The following CELF2 variants were observed in gnomAD, a reference collection of about 807,000 sequenced individuals.
CELF2 encodes CUGBP Elav-like family member 2.
Under a neutral mutation model 62.6 loss-of-function variants are expected in CELF2, and 8 were observed. The observed-to-expected ratio is 0.13, with a 90% CI of 0.07 to 0.23. The LOEUF is 0.23. CELF2 is among the 10% of genes least tolerant of loss of function. The pLI, the probability that CELF2 is intolerant of heterozygous loss-of-function variation, is 1.00. For synonymous variants in CELF2, 258 were observed against 250.0 expected (o/e 1.03, Z -0.30); for missense variants, 333 against 671.0 (o/e 0.50, Z 5.56).
intron 12 of CELF2, among the ~76,000 whole-genome samples, chr10:11,327,398 T>C (rs893909510): frequency 1.3e-5 from 2 of 152,246 alleles, no homozygotes; most frequent in African/African-American, 4.8e-5. Flanking sequence ...CTTAACCATG[T>C]GCTCATACTG....
chr10:11,009,002 T>G (rs985532007), intron 1 of CELF2, among the ~76,000 whole-genome samples: 1 of 12,102 alleles, frequency 8.3e-5, no homozygotes, highest in African/African-American at 5.4e-4. Flanking sequence ...CCTGGGGAAT[T>G]TGCGGGGGGG....
At chr10:10,877,852 T>C (rs150294885) in intron 1 of CELF2, among the ~76,000 whole-genome samples, 35 of 152,366 alleles carry the variant, frequency 2.3e-4, no homozygotes, top group African/African-American at 8.4e-4. Context: ...GTGCCTGTTA[T>C]ATTCAGCAAG....
chr10:10,779,295 C>T, the CELF2 span, among the ~76,000 whole-genome samples: 1 of 152,206 alleles, frequency 6.6e-6, no homozygotes, highest in Non-Finnish European at 1.5e-5. Flanking sequence ...CAGGCTTGTT[C>T]TGCACTGTCA....
intron 1 of CELF2, among the ~76,000 whole-genome samples, chr10:11,083,446 T>C (rs2074570210): frequency 6.6e-6 from 1 of 152,112 alleles, no homozygotes; most frequent in African/African-American, 2.4e-5. Context: ...AGCGTGATGA[T>C]GGTGGTATCT....
chr10:11,108,541 G>A (rs1446440262), intron 1 of CELF2, among the ~76,000 whole-genome samples: 1 of 152,116 alleles, frequency 6.6e-6, no homozygotes, highest in South Asian at 2.1e-4. Context: ...GTGCTGCAGT[G>A]AATGCACATA....
At chr10:10,563,148 C>G in the CELF2 span, among the ~76,000 whole-genome samples, 2 of 152,218 alleles carry the variant, frequency 1.3e-5, no homozygotes, top group South Asian at 4.1e-4. Flanking sequence ...TTGAAGCCAT[C>G]TGGGGAGAAA....
At chr10:11,141,725 T>C (rs1443387120) in intron 1 of CELF2, among the ~76,000 whole-genome samples, 1 of 152,224 alleles carries the variant, frequency 6.6e-6, no homozygotes, top group Non-Finnish European at 1.5e-5. Flanking sequence ...TGTGCCTTGA[T>C]AGATAAGGCT....
intron 2 of CELF2, among the ~76,000 whole-genome samples, chr10:10,964,143 G>C (rs897575830): frequency 2.0e-5 from 3 of 152,102 alleles, no homozygotes; most frequent in African/African-American, 7.2e-5. Context: ...TGCAATTATT[G>C]GACAAGTTTG....
At chr10:10,979,664 T>A (rs1462173415) in intron 2 of CELF2, among the ~76,000 whole-genome samples, 10 of 128,942 alleles carry the variant, frequency 7.8e-5, no homozygotes, top group Admixed American at 1.5e-4. Flanking sequence ...GAGCCAGACC[T>A]TGTCTCTCAA....
chr10:10,729,392 A>G, the CELF2 span, among the ~76,000 whole-genome samples: 1 of 152,168 alleles, frequency 6.6e-6, no homozygotes, highest in African/African-American at 2.4e-5. Context: ...GAATTGGTAA[A>G]GACATGTTTT....
At chr10:10,788,390 A>C in the CELF2 span, among the ~76,000 whole-genome samples, 1 of 152,008 alleles carries the variant, frequency 6.6e-6, no homozygotes, top group Non-Finnish European at 1.5e-5. Flanking sequence ...GGTATGAAGA[A>C]AATAAAATTA....
chr10:10,602,697 A>G, the CELF2 span, among the ~76,000 whole-genome samples: 2 of 152,094 alleles, frequency 1.3e-5, no homozygotes, highest in South Asian at 4.1e-4. Context: ...ATTATTATCT[A>G]TTTTTTATCT....
chr10:10,815,530 A>G (rs138523634), intron 1 of CELF2, among the ~76,000 whole-genome samples: 2 of 152,344 alleles, frequency 1.3e-5, no homozygotes, highest in African/African-American at 4.8e-5. Flanking sequence ...TACAGAAGAC[A>G]GGCAGCAAAT....
At chr10:10,767,792 G>C in the CELF2 span, among the ~76,000 whole-genome samples, 1 of 151,994 alleles carries the variant, frequency 6.6e-6, no homozygotes, top group African/African-American at 2.4e-5. Flanking sequence ...GTCAGGAGAT[G>C]GAGACCATCC....
At chr10:10,586,234 T>C in the CELF2 span, among the ~76,000 whole-genome samples, 1 of 152,156 alleles carries the variant, frequency 6.6e-6, no homozygotes, top group African/African-American at 2.4e-5. Context: ...ACAGGGAAAA[T>C]AGGTTTCTAT....
At chr10:10,761,955 T>G in the CELF2 span, among the ~76,000 whole-genome samples, 1 of 131,640 alleles carries the variant, frequency 7.6e-6, no homozygotes, top group Non-Finnish European at 1.6e-5. Flanking sequence ...TGTGTGTGTG[T>G]AGACAGATAT....
At chr10:11,132,257 T>C (rs1239212490) in intron 1 of CELF2, among the ~76,000 whole-genome samples, 3 of 152,238 alleles carry the variant, frequency 2.0e-5, no homozygotes, top group African/African-American at 7.2e-5. Context: ...TATTTACTTT[T>C]TGCTAAAGAT....
chr10:11,268,816 A>G lies in CELF2; in HGVS notation c.619-1850A>G, dbSNP rs566026085. ...TATTATTTCCAGGACTCTGGCATAC[A>G]TCTTTAACCAAGATGTATTACCTAA... On this transcript the variant is annotated intron_variant, in intron 6 of 12. Transcript: ENST00000633077. The surrounding 1 kb of genome is among the most constrained non-coding windows in gnomAD (Gnocchi z 4.7). Among the ~76,000 whole-genome samples, 19 of 152,336 alleles carry G rather than the reference A, an allele frequency of 1.2e-4. 1 individual carries two copies. In the South Asian group the frequency reaches 3.7e-3, roughly 30 times the overall value.
rs11301213 is a variant in CELF2, at chr10:11,190,775, TAAAAAAAAAAAAAA to T, written c.271+25108_271+25121del. 2.2e-4 allele frequency among the ~76,000 whole-genome samples: 12 copies of T among 53,986 alleles called. No homozygotes were observed. The South Asian group carries it at 4.2e-3, about 19-fold the overall frequency. The allele number at this position is 53,986 out of a possible 152,430, so 35.4% of individuals were successfully genotyped here. The stretch of plus-strand genomic sequence containing the variant: ...GGCTGGGTTTTGTATCTCTTTTCTT[TAAAAAAAAAAAAAA>T]AAAAAAAAAAAAAAGCCATTGAAAT... On this transcript the variant is annotated intron_variant, in intron 2 of 12. Transcript: ENST00000633077.
Sources: gnomAD v4.1 joint callset for allele counts (sites outside exome capture counted in the v4.1 genomes callset) on GRCh38, gnomAD v4.1.1 for gene constraint, Gnocchi (gnomAD v3.1) non-coding constraint, MANE v1.5 for transcripts, NCBI Gene and HGNC (gene_info 2026-07-23, HGNC 2026-07-21) for gene names.